Variants in CSTB observed in about 807,000 individuals in gnomAD.
CSTB encodes cystatin B, also known as cystatin-B.
CSTB carries 8 observed loss-of-function variants against 7.6 expected under a neutral mutation model. The observed-to-expected ratio is 1.05, with a 90% CI of 0.62 to 1.89. The LOEUF is 1.89. Among genes scored for constraint, CSTB ranks in the 40% most tolerant of loss-of-function variants. The pLI, the probability that CSTB is intolerant of heterozygous loss-of-function variation, is 0.00. For synonymous variants in CSTB, 56 were observed against 55.3 expected, an observed-to-expected ratio of 1.01 and a Z score of -0.06; for missense variants, 124 against 126.4, an observed-to-expected ratio of 0.98 and a Z score of 0.09.
intron 2 of CSTB, 73 bp downstream of exon 2, chr21:43,774,585 C>T: frequency 7.3e-7 from 1 of 1,371,402 alleles, no homozygotes; most frequent in Non-Finnish European, 1.0e-6. Context: ...TAAGACCACA[C>T]AGCCCGGGCC....
intron 1 of CSTB, chr21:43,775,893 C>T (rs991111436): frequency 9.5e-6 from 3 of 316,220 alleles, no homozygotes; most frequent in African/African-American, 6.5e-5. Context: ...ACCAGAAGCG[C>T]CTCATCCCTG....
intron 1 of CSTB, chr21:43,775,460 A>G (rs2084005489): frequency 1.3e-5 from 2 of 153,732 alleles, no homozygotes; most frequent in Admixed American, 1.3e-4. Flanking sequence ...TGCCATCTGC[A>G]ACCCAGCCCG....
chr21:43,774,015 A>C lies in CSTB; in HGVS notation c.*187T>G. 1 of 673,670 alleles carries C rather than the reference A, an allele frequency of 1.5e-6. No individual in the cohort carries two copies. Among genetic ancestry groups the C allele is most frequent in the Non-Finnish European group, 2.6e-6 (1 of 381,326 alleles). The allele number at this position is 673,670 out of a possible 1,614,324, so 41.7% of individuals were successfully genotyped here. Reference sequence around the variant, plus strand: ...AAGTAATTAAGATCACCTATTGGGAAGGAAAGAAATCAACACAATGAAATT... The same window carrying C: ...AAGTAATTAAGATCACCTATTGGGACGGAAAGAAATCAACACAATGAAATT... On this transcript the variant is annotated 3_prime_UTR_variant, in exon 3 of 3. Transcript: ENST00000291568.
chr21:43,775,116 G>A (rs1192605044), intron 1 of CSTB: 9 of 357,238 alleles, frequency 2.5e-5, no homozygotes, highest in Admixed American at 7.9e-5. Context: ...CCAGCTACTC[G>A]GGAGGCTAAG....
In CSTB at chr21:43,774,762, A is replaced by G. The variant is rs6383; in HGVS notation, c.67-3T>C. On this transcript the variant is annotated splice_polypyrimidine_tract_variant and splice_region_variant and intron_variant, in intron 1 of 2. Coordinates refer to ENST00000291568, the MANE Select transcript of CSTB (RefSeq NM_000100.4). ...TTCTCTTCAAGCTGGGACCTCACCTAGACAGAAGGGACAGAATGAGGATGT... is the reference window on the plus strand; with the variant it reads ...TTCTCTTCAAGCTGGGACCTCACCTGGACAGAAGGGACAGAATGAGGATGT... 1,344 of 1,610,974 alleles carry G rather than the reference A, an allele frequency of 8.3e-4. 6 individuals are homozygous for G. The African/African-American group carries it at 0.015, about 18-fold the overall frequency.
intron 2 of CSTB, 43 bp downstream of exon 2, chr21:43,774,615 C>T (rs775435651): frequency 1.3e-6 from 2 of 1,551,090 alleles, no homozygotes; most frequent in Non-Finnish European, 1.8e-6. Flanking sequence ...GGTTTCCTAC[C>T]AGCACCCGTT....
chr21:43,776,135 A>G, intron 1 of CSTB, 69 bp downstream of exon 1: 7 of 1,413,594 alleles, frequency 5.0e-6, no homozygotes, highest in Admixed American at 2.1e-5. Context: ...CTTTCGCTCC[A>G]GGAGCCGCGG....
intron 1 of CSTB, chr21:43,775,219 T>C: frequency 4.3e-6 from 1 of 234,166 alleles, no homozygotes; most frequent in Non-Finnish European, 8.7e-6. Context: ...AGACTGAGTC[T>C]CAAAAACAAA....
In CSTB at chr21:43,774,137, C is replaced by T. The variant is rs962693113; in HGVS notation, c.*65G>A. On this transcript the variant is annotated 3_prime_UTR_variant, in exon 3 of 3. Coordinates refer to ENST00000291568, the MANE Select transcript of CSTB (RefSeq NM_000100.4). ...AGCTTATTTTAGGATCACAAGTGCA[C>T]GCTCTGGTAGACGGAGGATGACTTT... 75 of 1,608,264 alleles carry T rather than the reference C, an allele frequency of 4.7e-5. No individual in the cohort carries two copies. The highest frequency in any genetic ancestry group is 1.1e-4 in the East Asian group (5 of 44,854).
chr21:43,774,491 G>T, intron 2 of CSTB, 161 bp from the exon 3 acceptor site: 1 of 1,245,636 alleles, frequency 8.0e-7, no homozygotes, highest in South Asian at 1.2e-5. Flanking sequence ...TAGCTCCCCA[G>T]AAGCCCTAGT....
rs1041474318 is a variant in CSTB at position 43,773,952 on chromosome 21, A to G, written c.*250T>C. 1 of 525,700 alleles carries G rather than the reference A, an allele frequency of 1.9e-6. No homozygotes were observed. The highest frequency in any genetic ancestry group is 3.4e-6 in the Non-Finnish European group (1 of 293,644). The allele number at this position is 525,700 out of a possible 1,614,324, so 32.6% of individuals were successfully genotyped here. ...TCTAAAACAAAGGAGGCAATCTGTA[A>G]GGATTTTAAAAATATATCTATTTTG... On this transcript the variant is annotated 3_prime_UTR_variant, in exon 3 of 3. Transcript: ENST00000291568.
At position 43,774,848 on chromosome 21, in the gene CSTB, C is replaced by T. The variant is rs144696367; in HGVS notation, c.67-89G>A. 1.9e-4 allele frequency: 164 copies of T among 884,076 alleles called. No individual in the cohort carries two copies. The African/African-American group carries it at 2.2e-3, about 12-fold the overall frequency. 54.8% of individuals were successfully genotyped at this position (884,076 alleles called of 1,614,324 possible). On this transcript the variant is annotated intron_variant, in intron 1 of 2. Transcript: ENST00000291568. ...ACTTGCACGCATGTGAGCACACACA[C>T]GATTCTGACACTGGCTCTTCACACA...
Position 43,776,173 on chromosome 21 carries a change from C to A in CSTB, c.66+31G>T, listed in dbSNP as rs1274457994. 1.7e-5 allele frequency: 26 copies of A among 1,520,314 alleles called. 1 individual carries two copies. The East Asian group carries it at 6.5e-4, about 38-fold the overall frequency. The allele number at this position is 1,520,314 out of a possible 1,614,324, so 94.2% of individuals were successfully genotyped here. On this transcript the variant is annotated intron_variant, in intron 1 of 2. Coordinates refer to ENST00000291568, the MANE Select transcript of CSTB (RefSeq NM_000100.4). ...GCGCCCTGAGGCTAAGGCAGGACTCCGGGCCGGCCCCGTCCCCGCGGCCCA... is the reference window on the plus strand; with the variant it reads ...GCGCCCTGAGGCTAAGGCAGGACTCAGGGCCGGCCCCGTCCCCGCGGCCCA...
At position 43,774,925 on chromosome 21, in the gene CSTB, T is replaced by C. The variant is rs985287251; in HGVS notation, c.67-166A>G. ...TTAAACTGTCAGCCTAATAATAAAGTAGAAAAAAACAGTTCCAGCTGGGTA... is the reference window on the plus strand; with the variant it reads ...TTAAACTGTCAGCCTAATAATAAAGCAGAAAAAAACAGTTCCAGCTGGGTA... On this transcript the variant is annotated intron_variant, in intron 1 of 2. Transcript: ENST00000291568. 1.7e-5 allele frequency: 12 copies of C among 688,262 alleles called. No homozygotes were observed. The African/African-American group carries it at 1.8e-4, about 10-fold the overall frequency. The allele number at this position is 688,262 out of a possible 1,614,324, so 42.6% of individuals were successfully genotyped here. A position where few individuals can be genotyped will look rare whatever the true frequency, so the allele number is the denominator to read the frequency against.
At position 43,775,083 on chromosome 21, in the gene CSTB, C is replaced by T. The variant is rs6378; in HGVS notation, c.67-324G>A. On this transcript the variant is annotated intron_variant, in intron 1 of 2. Transcript: ENST00000291568. ...ACTAAAAATACAAAAATTAGCTGGG[C>T]GTGGTGGCGAGCACCTGCAATCCCA... is the stretch of plus-strand genomic sequence containing the variant. 1,918 of 373,986 alleles carry T rather than the reference C, an allele frequency of 5.1e-3. 33 individuals are homozygous for T. The highest frequency in any genetic ancestry group is 0.036 in the African/African-American group (1,698 of 47,776). 23.2% of individuals were successfully genotyped at this position (373,986 alleles called of 1,614,324 possible). A position where few individuals can be genotyped will look rare whatever the true frequency, so the allele number is the denominator to read the frequency against.
chr21:43,775,231 A>C (rs1273789550), intron 1 of CSTB: 2 of 244,758 alleles, frequency 8.2e-6, no homozygotes, highest in Non-Finnish European at 1.6e-5. Context: ...AAAAACAAAA[A>C]AAAAAAACAC....
chr21:43,774,528 CA>C, intron 2 of CSTB, 129 bp downstream of exon 2: 1 of 1,114,988 alleles, frequency 9.0e-7, no homozygotes. Flanking sequence ...TGGACACACA[CA>C]GTAGGATGCT....
chr21:43,775,813 C>T (rs57435056), intron 1 of CSTB: 3,591 of 202,856 alleles, frequency 0.018, 157 homozygotes, highest in African/African-American at 0.077. Context: ...TATCGGATCA[C>T]CGTGGAGATC....
At chr21:43,776,100 G>T in intron 1 of CSTB, 104 bp downstream of exon 1, 1 of 1,104,574 alleles carries the variant, frequency 9.1e-7, no homozygotes, top group Admixed American at 2.2e-5. Context: ...CAGCCCAGGG[G>T]TGCGCAGCGG....
Sources: allele counts gnomAD v4.1 joint callset, GRCh38; gene constraint gnomAD v4.1.1; transcripts MANE v1.5; gene names NCBI Gene and HGNC (gene_info 2026-07-23, HGNC 2026-07-21).